Variants in PCDHGA3 observed in about 807,000 individuals in gnomAD.
PCDHGA3 encodes the protein protocadherin gamma subfamily A, 3.
PCDHGA3 carries 40 observed loss-of-function variants against 58.5 expected under a neutral mutation model. That is an observed-to-expected ratio of 0.68 (90% CI 0.53 to 0.89). The LOEUF is 0.89. Among genes scored for constraint, PCDHGA3 ranks in the 40% least tolerant of loss-of-function variants. The pLI is 0.00. For missense variants in PCDHGA3, 1,223 were observed against 1,195.9 expected, an observed-to-expected ratio of 1.02 and a Z score of -0.33; for synonymous variants, 530 against 525.7, an observed-to-expected ratio of 1.01 and a Z score of -0.11.
In PCDHGA3 at chr5:141,389,981, G is replaced by T. The variant is rs750738084; in HGVS notation, c.2424+43524G>T. On this transcript the variant is annotated intron_variant, in intron 1 of 3. Transcript: ENST00000253812. ...TGGTGGCCTTGGCCTTGATCTCAGT[G>T]CTCTTCCTCGTGGCCATGATTCTGG... The T allele has an allele frequency of 2.5e-6, 4 of 1,614,006 alleles. No homozygotes were observed. The South Asian group carries it at 4.4e-5, about 18-fold the overall frequency.
intron 1 of PCDHGA3, chr5:141,422,845 G>A: frequency 6.2e-7 from 1 of 1,614,230 alleles, no homozygotes; most frequent in Non-Finnish European, 8.5e-7. Context: ...TGACAGCGGG[G>A]ACCCGCCCCT....
At chr5:141,388,513 T>A in intron 1 of PCDHGA3, 2 of 1,613,840 alleles carry the variant, frequency 1.2e-6, no homozygotes, top group Non-Finnish European at 1.7e-6. Context: ...TCCTACCACT[T>A]GACTTTGACT....
chr5:141,357,787 T>G lies in PCDHGA3; in HGVS notation c.2424+11330T>G, dbSNP rs1268213946. Reference sequence around the variant, plus strand: ...CCTTCCAATAATGATCAACAGTATTTACCACACAAAAATGTTGTTTATTAC... The same window carrying G: ...CCTTCCAATAATGATCAACAGTATTGACCACACAAAAATGTTGTTTATTAC... On this transcript the variant is annotated intron_variant, in intron 1 of 3. Coordinates refer to ENST00000253812, the MANE Select transcript of PCDHGA3 (RefSeq NM_018916.4). 7 of 844,904 alleles carry G rather than the reference T, an allele frequency of 8.3e-6. No homozygotes were observed. In the Admixed American group the frequency reaches 1.5e-4, roughly 18 times the overall value. 52.3% of individuals were successfully genotyped at this position (844,904 alleles called of 1,614,324 possible).
chr5:141,393,578 GC>G, intron 1 of PCDHGA3: 1 of 1,613,930 alleles, frequency 6.2e-7, no homozygotes. Context: ...TTGAGAACAT[GC>G]CCCCAGGCAC....
intron 1 of PCDHGA3, among the ~76,000 whole-genome samples, chr5:141,402,429 T>C (rs2094263946): frequency 6.6e-6 from 1 of 151,986 alleles, no homozygotes; most frequent in Admixed American, 6.6e-5. Flanking sequence ...AATTGAAGCA[T>C]CATAAAAAGG....
intron 1 of PCDHGA3, among the ~76,000 whole-genome samples, chr5:141,402,439 G>C (rs1278186410): frequency 6.6e-6 from 1 of 151,914 alleles, no homozygotes; most frequent in East Asian, 1.9e-4. Context: ...TCATAAAAAG[G>C]AAATTATAAT....
chr5:141,442,751 T>G (rs756672976), intron 1 of PCDHGA3, among the ~76,000 whole-genome samples: 1 of 152,196 alleles, frequency 6.6e-6, no homozygotes, highest in Non-Finnish European at 1.5e-5. Context: ...CATGTTTTGA[T>G]TATATATATT....
At position 141,355,954 on chromosome 5, in the gene PCDHGA3, C is replaced by T. The variant is rs748883538; in HGVS notation, c.2424+9497C>T. The stretch of plus-strand genomic sequence containing the variant: ...TCAGCCCGAGTACCACGTAAGTGTT[C>T]GTGAGAACGTTCCTGTAGGCACTCG... On this transcript the variant is annotated intron_variant, in intron 1 of 3. Coordinates refer to ENST00000253812, the MANE Select transcript of PCDHGA3 (RefSeq NM_018916.4). The T allele has an allele frequency of 1.9e-5, 30 of 1,613,706 alleles. No individual in the cohort carries two copies. In the African/African-American group the frequency reaches 2.9e-4, roughly 16 times the overall value.
At position 141,345,201 on chromosome 5, in the gene PCDHGA3, C is replaced by A; in HGVS notation, c.1168C>A (p.Leu390Met). 1 of 1,613,964 alleles carries A rather than the reference C, an allele frequency of 6.2e-7. No homozygotes were observed. The highest frequency in any genetic ancestry group is 8.5e-7 in the Non-Finnish European group (1 of 1,179,894). Residue 390 changes from leucine to methionine, a missense_variant, in exon 1 of 4, where the codon CTG becomes ATG. By Grantham distance (15) the Leu-to-Met change is conservative. Around this residue, in one of 3 missense-constraint regions of PCDHGA3, gnomAD observed 791 missense variants for 708.5 expected, o/e 1.12. Coordinates refer to ENST00000253812, the MANE Select transcript of PCDHGA3 (RefSeq NM_018916.4). ...GQVEVFVLGN[L>M]PFKLEKSIDQ... The stretch of plus-strand genomic sequence containing the variant: ...GGTTGAAGTTTTTGTCCTGGGAAAT[C>A]TGCCATTTAAGTTAGAAAAATCAAT...
chr5:141,364,220 C>A, intron 1 of PCDHGA3: 2 of 1,327,422 alleles, frequency 1.5e-6, no homozygotes, highest in South Asian at 3.3e-5. Context: ...CTACGAAAAG[C>A]CAACGCTCCA....
intron 1 of PCDHGA3, chr5:141,410,849 CTTTTTT>C (rs759346998): frequency 3.0e-4 from 42 of 138,124 alleles, no homozygotes; most frequent in Middle Eastern, 4.3e-3. Context: ...TTGTCTTTGT[CTTTTTT>C]TTTTTTTTTT....
rs551220443 is a variant in PCDHGA3, at chr5:141,432,206, G to A, written c.2425-62601G>A. On this transcript the variant is annotated intron_variant, in intron 1 of 3. Transcript: ENST00000253812. The surrounding 1 kb of genome is among the most constrained non-coding windows in gnomAD (Gnocchi z 6.0). ...GACCGCCCACGACCCCGACTGTGAA[G>A]AGAACGCCCAGATCACTTATTCCCT... The A allele has an allele frequency of 6.2e-7, 1 of 1,614,096 alleles. No individual in the cohort carries two copies. Among genetic ancestry groups the A allele is most frequent in the Non-Finnish European group, 8.5e-7 (1 of 1,180,042 alleles).
chr5:141,347,073 C>G (rs1757861133), intron 1 of PCDHGA3, among the ~76,000 whole-genome samples: 1 of 148,398 alleles, frequency 6.7e-6, no homozygotes, highest in Non-Finnish European at 1.5e-5. Flanking sequence ...CTTCCTTCCT[C>G]TCTCTCTTTC....
chr5:141,463,438 CTTTTTTTT>C (rs71576115), intron 1 of PCDHGA3, among the ~76,000 whole-genome samples: 7 of 103,252 alleles, frequency 6.8e-5, no homozygotes, highest in East Asian at 2.4e-4. Flanking sequence ...TTTCCTTCTC[CTTTTTTTT>C]TTTTTTTTTT....
intron 2 of PCDHGA3, among the ~76,000 whole-genome samples, chr5:141,504,259 G>A (rs1325093588): frequency 6.6e-6 from 1 of 152,126 alleles, no homozygotes; most frequent in Non-Finnish European, 1.5e-5. Flanking sequence ...TTATGGTTTA[G>A]TATTTTTTTA....
chr5:141,363,843 T>C (rs771270646), intron 1 of PCDHGA3, among the ~76,000 whole-genome samples: 2 of 152,188 alleles, frequency 1.3e-5, no homozygotes, highest in African/African-American at 2.4e-5. Context: ...TGTCCTAATT[T>C]AATGGACTAA....
chr5:141,399,813 G>T (rs985564503), intron 1 of PCDHGA3: 1 of 1,613,080 alleles, frequency 6.2e-7, no homozygotes, highest in Admixed American at 1.7e-5. Flanking sequence ...TGTACCCCGC[G>T]CTGGGTCCCG....
Position 141,476,351 on chromosome 5 carries a change from G to C in PCDHGA3, c.2425-18456G>C. On this transcript the variant is annotated intron_variant, in intron 1 of 3. Transcript: ENST00000253812. This position sits in a 1 kb window ranked among gnomAD's most constrained non-coding sequence, Gnocchi z 7.6. ...TGGAGCTAGCCGAAGATTCTTTGAG[G>C]TGAACCGGGAGACCGGAGAGATGTT... 3 of 1,614,182 alleles carry C rather than the reference G, an allele frequency of 1.9e-6. No homozygotes were observed. Among genetic ancestry groups the C allele is most frequent in the Non-Finnish European group, 2.5e-6 (3 of 1,180,046 alleles).
rs775895766 is a variant in PCDHGA3, at chr5:141,384,987, G to T, written c.2424+38530G>T. On this transcript the variant is annotated intron_variant, in intron 1 of 3. Coordinates refer to ENST00000253812, the MANE Select transcript of PCDHGA3 (RefSeq NM_018916.4). ...ACCTCACGTTGTACCTGGTGGTGGC[G>T]GTGGCCACAGTCTCCTGCGTCTTCC... The T allele has an allele frequency of 3.7e-6, 6 of 1,613,996 alleles. No individual in the cohort carries two copies. The African/African-American group carries it at 6.7e-5, about 18-fold the overall frequency.
Sources: allele counts gnomAD v4.1 joint callset (sites outside exome capture counted in the v4.1 genomes callset), GRCh38; gene constraint gnomAD v4.1.1; regional missense constraint gnomAD v4.1.1; non-coding constraint Gnocchi (gnomAD v3.1); transcripts MANE v1.5; gene names NCBI Gene and HGNC (gene_info 2026-07-23, HGNC 2026-07-21).